Variants in MOB3B observed in about 807,000 individuals in gnomAD.
MOB3B encodes the protein MOB kinase activator-like 2B.
Under a neutral mutation model 18.7 loss-of-function variants are expected in MOB3B, and 7 were observed. The ratio of observed to expected loss-of-function variants is 0.37; its 90% confidence interval spans 0.21 to 0.70. The LOEUF (loss-of-function observed/expected upper bound fraction) is 0.70, where lower values mean the gene tolerates loss of function less well. MOB3B is among the 30% of genes least tolerant of loss of function. MOB3B has a pLI of 0.52. For missense variants in MOB3B, 253 were observed against 281.3 expected, an observed-to-expected ratio of 0.90 and a Z score of 0.72; for synonymous variants, 111 against 99.9, an observed-to-expected ratio of 1.11 and a Z score of -0.66.
chr9:27,488,841 C>T (rs913511942), intron 1 of MOB3B, among the ~76,000 whole-genome samples: 3 of 152,180 alleles, frequency 2.0e-5, no homozygotes, highest in Admixed American at 6.5e-5. Context: ...GCTTACATAA[C>T]GTACACATTT....
chr9:27,491,592 T>A (rs529414388), intron 1 of MOB3B, among the ~76,000 whole-genome samples: 7 of 152,264 alleles, frequency 4.6e-5, no homozygotes, highest in African/African-American at 1.4e-4. Context: ...TCAATATAGG[T>A]GGTTGGGCAC....
Position 27,455,552 on chromosome 9 carries a change from G to T in MOB3B, c.-2C>A, listed in dbSNP as rs1563873098. On this transcript the variant is annotated 5_prime_UTR_variant, in exon 2 of 4. Transcript: ENST00000262244. ...TACCTGCTTCAGGGCTATGGACATGGTCTTCTCTTTCGCTTCCTTTCTTTT... is the reference window on the plus strand; with the variant it reads ...TACCTGCTTCAGGGCTATGGACATGTTCTTCTCTTTCGCTTCCTTTCTTTT... 6.2e-7 allele frequency: 1 copy of T among 1,614,068 alleles called. No individual in the cohort carries two copies. The highest frequency in any genetic ancestry group is 8.5e-7 in the Non-Finnish European group (1 of 1,180,004).
chr9:27,406,483 A>G (rs1478232814), intron 2 of MOB3B, among the ~76,000 whole-genome samples: 1 of 152,260 alleles, frequency 6.6e-6, no homozygotes, highest in African/African-American at 2.4e-5. Flanking sequence ...ACTGACTTCA[A>G]ATTATGCTAC....
At chr9:27,521,600 T>C (rs1400406399) in intron 1 of MOB3B, among the ~76,000 whole-genome samples, 2 of 152,302 alleles carry the variant, frequency 1.3e-5, no homozygotes, top group East Asian at 1.9e-4. Flanking sequence ...GCAGTTCTAA[T>C]TGGAACAGTT....
At chr9:27,506,928 C>A (rs1820070761) in intron 1 of MOB3B, among the ~76,000 whole-genome samples, 1 of 151,000 alleles carries the variant, frequency 6.6e-6, no homozygotes, top group Admixed American at 6.6e-5. Flanking sequence ...GATCCACCTG[C>A]CTTGGCCTCG....
At chr9:27,487,630 C>T (rs1182672061) in intron 1 of MOB3B, among the ~76,000 whole-genome samples, 2 of 152,062 alleles carry the variant, frequency 1.3e-5, no homozygotes, top group Non-Finnish European at 2.9e-5. Flanking sequence ...TTCATTATTT[C>T]CTTTCCAGCT....
intron 2 of MOB3B, among the ~76,000 whole-genome samples, chr9:27,427,180 T>C (rs926805338): frequency 1.3e-5 from 2 of 152,206 alleles, no homozygotes; most frequent in African/African-American, 2.4e-5. Context: ...GCAGTGCTAG[T>C]TCCATTTTTT....
At chr9:27,482,444 T>C (rs1333021495) in intron 1 of MOB3B, among the ~76,000 whole-genome samples, 1 of 152,144 alleles carries the variant, frequency 6.6e-6, no homozygotes. Flanking sequence ...CCTAAAAGAA[T>C]GGAGAGGAGG....
intron 2 of MOB3B, among the ~76,000 whole-genome samples, chr9:27,435,760 CA>C (rs1447433806): frequency 6.6e-6 from 1 of 152,100 alleles, no homozygotes; most frequent in Non-Finnish European, 1.5e-5. Flanking sequence ...CTACCGTGCC[CA>C]GCTAATTTTT....
chr9:27,496,717 A>G (rs1287097798), intron 1 of MOB3B, among the ~76,000 whole-genome samples: 2 of 152,228 alleles, frequency 1.3e-5, no homozygotes, highest in African/African-American at 4.8e-5. Flanking sequence ...AGTCTTTGTC[A>G]GTAAAGGAAT....
intron 2 of MOB3B, among the ~76,000 whole-genome samples, chr9:27,379,362 A>G (rs549678389): frequency 6.6e-5 from 10 of 152,284 alleles, no homozygotes; most frequent in African/African-American, 2.4e-4. Flanking sequence ...TTTTGGCATA[A>G]GAGACAGCTA....
At chr9:27,356,614 A>T (rs1354556661) in intron 3 of MOB3B, among the ~76,000 whole-genome samples, 1 of 152,172 alleles carries the variant, frequency 6.6e-6, no homozygotes, top group African/African-American at 2.4e-5. Context: ...GGTGTTTCTG[A>T]TCCCTTAGCT....
intron 1 of MOB3B, among the ~76,000 whole-genome samples, chr9:27,474,578 C>A (rs1819524281): frequency 6.6e-6 from 1 of 152,176 alleles, no homozygotes; most frequent in Admixed American, 6.5e-5. Flanking sequence ...CTGATTAGAA[C>A]CTTCGTATCA....
At chr9:27,386,719 G>A (rs987196909) in intron 2 of MOB3B, among the ~76,000 whole-genome samples, 3 of 152,202 alleles carry the variant, frequency 2.0e-5, no homozygotes, top group Non-Finnish European at 4.4e-5. Context: ...TGAGCTACAG[G>A]AATTGCATTC....
In MOB3B at chr9:27,450,578, T is replaced by C. The variant is rs143468333; in HGVS notation, c.418+4555A>G. On this transcript the variant is annotated intron_variant, in intron 2 of 3. Coordinates refer to ENST00000262244, the MANE Select transcript of MOB3B (RefSeq NM_024761.5). ...AAAACAAAAACAAAAACAAAACAGG[T>C]CTTATAAAATTTTCTCCATCCTAAA... Among the ~76,000 whole-genome samples, 396 of 152,018 alleles carry C rather than the reference T, an allele frequency of 2.6e-3. 1 individual carries two copies. The highest frequency in any genetic ancestry group is 9.0e-3 in the African/African-American group (375 of 41,458).
intron 2 of MOB3B, among the ~76,000 whole-genome samples, chr9:27,442,656 G>A (rs1349656033): frequency 6.6e-6 from 1 of 152,142 alleles, no homozygotes; most frequent in East Asian, 1.9e-4. Flanking sequence ...CCTGAGCCCT[G>A]GTAACACCCT....
intron 2 of MOB3B, among the ~76,000 whole-genome samples, chr9:27,404,303 A>T (rs1258207674): frequency 6.7e-6 from 1 of 148,418 alleles, no homozygotes; most frequent in African/African-American, 2.5e-5. Context: ...TCCATTGTGC[A>T]TATAAACCAC....
At chr9:27,435,774 A>AT (rs1822491420) in intron 2 of MOB3B, among the ~76,000 whole-genome samples, 1 of 151,734 alleles carries the variant, frequency 6.6e-6, no homozygotes, top group African/African-American at 2.4e-5. Context: ...TAATTTTTGT[A>AT]TTTTTTAGTA....
intron 2 of MOB3B, among the ~76,000 whole-genome samples, chr9:27,414,413 C>T (rs184028856): frequency 1.3e-5 from 2 of 152,210 alleles, no homozygotes; most frequent in East Asian, 1.9e-4. Context: ...TTTGCAGCTG[C>T]TGAGAGCCCA....
Sources: allele counts gnomAD v4.1 joint callset (sites outside exome capture counted in the v4.1 genomes callset), GRCh38; gene constraint gnomAD v4.1.1; transcripts MANE v1.5; gene names NCBI Gene and HGNC (gene_info 2026-07-23, HGNC 2026-07-21).